PHLDB2: variants seen among roughly 807,000 people sequenced by gnomAD.
The protein encoded by PHLDB2 is pleckstrin homology-like domain family B member 2.
A neutral mutation model predicts 123.6 loss-of-function variants in PHLDB2; 71 were observed. That is an observed-to-expected ratio of 0.57 (90% CI 0.47 to 0.70). PHLDB2 has a LOEUF of 0.70. Ranked by LOEUF, PHLDB2 falls within the 30% of genes least tolerant of loss-of-function variation. The pLI is 0.00. For missense variants in PHLDB2, 1,446 were observed against 1,519.5 expected (o/e 0.95, Z 0.80); for synonymous variants, 547 against 541.6 (o/e 1.01, Z -0.14).
chr3:111,966,521 GTCTGGGGTGTGTGTGTGTGTGTGTGTGTA>G, intron 13 of PHLDB2, 63 bp from the exon 14 acceptor site: 7 of 493,136 alleles, frequency 1.4e-5, no homozygotes, highest in Non-Finnish European at 2.4e-5. Flanking sequence ...GTGTGTGTGT[GTCTGGGGTGTGTGTGTGTGTGTGTGTGTA>G]TGTATTAGAG....
chr3:111,858,241 G>A (rs760648378), upstream of PHLDB2, among the ~76,000 whole-genome samples: 1 of 152,086 alleles, frequency 6.6e-6, no homozygotes, highest in African/African-American at 2.4e-5. Flanking sequence ...ATCATAAGTG[G>A]GAGTTGAACA....
chr3:111,870,247 G>A (rs1343559768), intron 1 of PHLDB2, among the ~76,000 whole-genome samples: 1 of 151,004 alleles, frequency 6.6e-6, no homozygotes, highest in Non-Finnish European at 1.5e-5. Context: ...AGAGGATCTG[G>A]GGCTGTTTGC....
At chr3:111,969,499 C>T (rs1354567410) in intron 15 of PHLDB2, among the ~76,000 whole-genome samples, 191 bp from the exon 16 acceptor site, 1 of 152,234 alleles carries the variant, frequency 6.6e-6, no homozygotes, top group East Asian at 1.9e-4. Flanking sequence ...CTACATATTA[C>T]AGCATCTTTC....
intron 1 of PHLDB2, among the ~76,000 whole-genome samples, chr3:111,765,269 G>C (rs1445004516): frequency 6.6e-6 from 1 of 152,302 alleles, no homozygotes; most frequent in African/African-American, 2.4e-5. Context: ...AGGGTGGTGA[G>C]AAAAAAATGG....
intron 6 of PHLDB2, 35 bp downstream of exon 6, chr3:111,932,432 C>G (rs1314752996): frequency 3.9e-6 from 6 of 1,524,938 alleles, no homozygotes; most frequent in Non-Finnish European, 5.3e-6. Flanking sequence ...AGTTATTTTG[C>G]TTTTCGTTTT....
chr3:111,933,708 A>G (rs530589675), intron 6 of PHLDB2, among the ~76,000 whole-genome samples: 2 of 152,352 alleles, frequency 1.3e-5, no homozygotes, highest in African/African-American at 4.8e-5. Flanking sequence ...GAAGAAAACT[A>G]GTATTTGTAA....
chr3:111,772,730 C>T (rs1178031325), intron 1 of PHLDB2, among the ~76,000 whole-genome samples: 2 of 152,116 alleles, frequency 1.3e-5, no homozygotes, highest in South Asian at 2.1e-4. Context: ...TTTTCTTTAC[C>T]GAAGGGCTTA....
intron 5 of PHLDB2, among the ~76,000 whole-genome samples, chr3:111,931,698 C>G (rs2069158838): frequency 6.6e-6 from 1 of 152,192 alleles, no homozygotes; most frequent in Admixed American, 6.5e-5. Flanking sequence ...TTAAGATTTT[C>G]TAACTCTGTA....
chr3:111,795,731 G>GTTTTTTTTTTTTTTTT (rs2061126812), intron 1 of PHLDB2, among the ~76,000 whole-genome samples: 1 of 151,820 alleles, frequency 6.6e-6, no homozygotes, highest in Non-Finnish European at 1.5e-5. Flanking sequence ...GTTTTTTTTG[G>GTTTTTTTTTTTTTTTT]TTTTTGTTTT....
In PHLDB2 at chr3:111,848,101, T is replaced by A. The variant is rs569964747; in HGVS notation, c.67+2166T>A. 2.0e-5 allele frequency among the ~76,000 whole-genome samples: 3 copies of A among 152,134 alleles called. No homozygotes were observed. In the South Asian group the frequency reaches 6.2e-4, roughly 31 times the overall value. ...AGTATGCGACCCTCACCTTCCCCCG[T>A]GTACATTCCTAAACCTTCCTTCTTT... On this transcript the variant is annotated intron_variant, in intron 2 of 17. Coordinates refer to the PHLDB2 transcript ENST00000393923.
intron 2 of PHLDB2, among the ~76,000 whole-genome samples, chr3:111,849,893 G>A (rs968441561): frequency 2.7e-5 from 4 of 150,204 alleles, no homozygotes; most frequent in African/African-American, 7.4e-5. Context: ...ACGGAGTCTC[G>A]CTCTGTCGCC....
chr3:111,905,354 G>A (rs1243421897), intron 2 of PHLDB2, among the ~76,000 whole-genome samples: 1 of 151,676 alleles, frequency 6.6e-6, no homozygotes, highest in Middle Eastern at 3.2e-3. Context: ...GTTTTTTTAA[G>A]TCATTTATTT....
rs3082317 is a variant in PHLDB2, at chr3:111,839,940, C to CTTTTTTTTTTTTTTTTTTT, written c.-48-5875_-48-5857dup. On this transcript the variant is annotated intron_variant, in intron 1 of 17. Coordinates refer to the PHLDB2 transcript ENST00000393923. ...TTTGTTTAAAAGCCCCCCACCCCCGCTTTTTTTTTTTTTTTTTTTTTTTTG... is the reference window on the plus strand; with the variant it reads ...TTTGTTTAAAAGCCCCCCACCCCCGCTTTTTTTTTTTTTTTTTTTTTTTTTTTTTTTTTTTTTTTTTTTG... Among the ~76,000 whole-genome samples, 9 of 64,946 alleles carry CTTTTTTTTTTTTTTTTTTT rather than the reference C, an allele frequency of 1.4e-4. 3 individuals carry two copies. Among genetic ancestry groups the CTTTTTTTTTTTTTTTTTTT allele is most frequent in the Admixed American group, 2.7e-4 (1 of 3,656 alleles). The allele number at this position is 64,946 out of a possible 152,430, so 42.6% of individuals were successfully genotyped here.
intron 1 of PHLDB2, among the ~76,000 whole-genome samples, chr3:111,802,314 A>G (rs983143769): frequency 1.2e-4 from 19 of 152,322 alleles, no homozygotes; most frequent in Middle Eastern, 3.4e-3. Context: ...TCTGGCCTAC[A>G]GAGTGAAGAA....
At chr3:111,805,920 ATTTTGTATT>A in intron 1 of PHLDB2, among the ~76,000 whole-genome samples, 1 of 150,872 alleles carries the variant, frequency 6.6e-6, no homozygotes, top group Admixed American at 6.6e-5. Flanking sequence ...AGAAGACTAC[ATTTTGTATT>A]ATATAAAATT....
chr3:111,918,609 G>C (rs1403809215), intron 3 of PHLDB2, among the ~76,000 whole-genome samples: 2 of 152,164 alleles, frequency 1.3e-5, no homozygotes, highest in African/African-American at 2.4e-5. Flanking sequence ...GATTCAAGAG[G>C]CTTTTGCAGA....
intron 1 of PHLDB2, among the ~76,000 whole-genome samples, chr3:111,799,390 C>T (rs917549812): frequency 1.8e-4 from 27 of 152,142 alleles, no homozygotes; most frequent in African/African-American, 6.5e-4. Flanking sequence ...GAATTTAATA[C>T]TAGAAAAAAG....
In PHLDB2 at chr3:111,973,271, T is replaced by C. The variant is rs114977322; in HGVS notation, c.3536-461T>C. 3.4e-3 allele frequency among the ~76,000 whole-genome samples: 513 copies of C among 152,294 alleles called. 4 individuals carry two copies. Among genetic ancestry groups the C allele is most frequent in the African/African-American group, 0.012 (489 of 41,570 alleles). ...AATCACGCACCCTGAATAAGAAATT[T>C]GATAGGAAATAAATATGGGTAGAAA... On this transcript the variant is annotated intron_variant, in intron 16 of 17. Coordinates refer to ENST00000431670, the MANE Select transcript of PHLDB2 (RefSeq NM_001134438.2).
At chr3:111,816,232 C>T (rs146250366) in intron 1 of PHLDB2, among the ~76,000 whole-genome samples, 41 of 152,332 alleles carry the variant, frequency 2.7e-4, no homozygotes, top group African/African-American at 9.1e-4. Flanking sequence ...TACTGAGGCA[C>T]TGCCTAGTGG....
Sources: gnomAD v4.1 joint callset for allele counts (sites outside exome capture counted in the v4.1 genomes callset) on GRCh38, gnomAD v4.1.1 for gene constraint, MANE v1.5 for transcripts, NCBI Gene and HGNC (gene_info 2026-07-23, HGNC 2026-07-21) for gene names.